BAALC: variants seen among roughly 807,000 people sequenced by gnomAD.
The protein encoded by BAALC is brain and acute leukemia cytoplasmic protein.
In BAALC, 9 loss-of-function variants were observed where a neutral mutation model predicts 15.5. The ratio of observed to expected loss-of-function variants is 0.58; its 90% CI spans 0.35 to 1.02. BAALC has a LOEUF of 1.02. Among genes scored for constraint, BAALC ranks in the 50% least tolerant of loss-of-function variants. The pLI is 0.02. For missense variants in BAALC, 201 were observed against 192.4 expected (o/e 1.04, Z -0.27); for synonymous variants, 80 against 74.6 (o/e 1.07, Z -0.37).
intron 1 of BAALC, among the ~76,000 whole-genome samples, chr8:103,146,305 C>A (rs1392070385): frequency 1.3e-5 from 2 of 152,158 alleles, no homozygotes; most frequent in Non-Finnish European, 2.9e-5. Context: ...GAGTGCAGCC[C>A]AGCTGGCCTG....
chr8:103,167,096 T>C (rs1811366738), intron 1 of BAALC, among the ~76,000 whole-genome samples: 1 of 152,238 alleles, frequency 6.6e-6, no homozygotes, highest in South Asian at 2.1e-4. Flanking sequence ...ACCTAAATTT[T>C]AATTTTCTTT....
chr8:103,175,451 A>T (rs1245211727), intron 1 of BAALC, among the ~76,000 whole-genome samples: 2 of 152,214 alleles, frequency 1.3e-5, no homozygotes, highest in Non-Finnish European at 2.9e-5. Context: ...GGTTCCTGAC[A>T]TGATTCCTCT....
intron 1 of BAALC, among the ~76,000 whole-genome samples, chr8:103,192,848 T>G (rs1372770685): frequency 6.6e-6 from 1 of 152,148 alleles, no homozygotes; most frequent in African/African-American, 2.4e-5. Context: ...GGCCTGTGCT[T>G]CTCTGTGGCC....
At chr8:103,224,089 A>G (rs59412795) in intron 2 of BAALC, among the ~76,000 whole-genome samples, 1 of 150,002 alleles carries the variant, frequency 6.7e-6, no homozygotes, top group Non-Finnish European at 1.5e-5. Flanking sequence ...GCGTGTGTGC[A>G]TATGTGCATG....
intron 2 of BAALC, 172 bp downstream of exon 2, chr8:103,213,257 C>T (rs1812491841): frequency 3.0e-6 from 2 of 667,898 alleles, no homozygotes; most frequent in Non-Finnish European, 4.8e-6. Context: ...CACCCCAAAA[C>T]CCTGCCTTGA....
intron 2 of BAALC, among the ~76,000 whole-genome samples, chr8:103,222,397 T>C (rs892060625): frequency 2.0e-5 from 3 of 152,224 alleles, no homozygotes; most frequent in African/African-American, 7.2e-5. Flanking sequence ...ATTTTCTTCC[T>C]TGTTATGCCA....
chr8:103,170,553 G>T (rs751746508), intron 1 of BAALC, among the ~76,000 whole-genome samples: 25 of 152,280 alleles, frequency 1.6e-4, no homozygotes, highest in Non-Finnish European at 2.5e-4. Flanking sequence ...TTGAAGTGAT[G>T]CATCTACAAA....
At chr8:103,170,395 T>C (rs2129939266) in intron 1 of BAALC, among the ~76,000 whole-genome samples, 1 of 152,160 alleles carries the variant, frequency 6.6e-6, no homozygotes, top group African/African-American at 2.4e-5. Context: ...TATTTGAAAA[T>C]AGGGTCTTTA....
At chr8:103,164,690 G>A (rs770072592) in intron 1 of BAALC, among the ~76,000 whole-genome samples, 61 of 152,184 alleles carry the variant, frequency 4.0e-4, no homozygotes, top group African/African-American at 1.2e-3. Context: ...AACTTCCTCC[G>A]ATGGAACATT....
intron 1 of BAALC, among the ~76,000 whole-genome samples, chr8:103,175,374 GTTTA>G (rs1365341154): frequency 2.0e-5 from 3 of 152,180 alleles, no homozygotes; most frequent in Non-Finnish European, 2.9e-5. Flanking sequence ...AATGATTTGT[GTTTA>G]TTTACTTATG....
intron 1 of BAALC, among the ~76,000 whole-genome samples, chr8:103,206,445 C>T (rs1308027076): frequency 6.6e-6 from 1 of 152,082 alleles, no homozygotes; most frequent in African/African-American, 2.4e-5. Flanking sequence ...CCCAAGACAA[C>T]CTGCAAGGAG....
chr8:103,224,072 G>A (rs941427771), intron 2 of BAALC, among the ~76,000 whole-genome samples: 1 of 151,840 alleles, frequency 6.6e-6, no homozygotes, highest in Non-Finnish European at 1.5e-5. Context: ...CCTTCACAAC[G>A]CTTTGTGCGT....
At chr8:103,214,645 A>G (rs1444816285) in intron 2 of BAALC, among the ~76,000 whole-genome samples, 1 of 152,234 alleles carries the variant, frequency 6.6e-6, no homozygotes, top group East Asian at 1.9e-4. Flanking sequence ...GCCTTTCAGA[A>G]ATGACTTAAT....
At chr8:103,185,881 G>A (rs566079130) in intron 1 of BAALC, among the ~76,000 whole-genome samples, 76 of 152,304 alleles carry the variant, frequency 5.0e-4, no homozygotes, top group Non-Finnish European at 7.2e-4. Flanking sequence ...GGGACCTTGG[G>A]TTACTTGTTC....
At chr8:103,181,033 GT>G (rs1211831779) in intron 1 of BAALC, among the ~76,000 whole-genome samples, 1 of 152,118 alleles carries the variant, frequency 6.6e-6, no homozygotes, top group Non-Finnish European at 1.5e-5. Context: ...TAGAGTTTAG[GT>G]TTCGTGATGA....
intron 1 of BAALC, among the ~76,000 whole-genome samples, chr8:103,196,740 T>C (rs1812106838): frequency 6.6e-6 from 1 of 152,128 alleles, no homozygotes. Flanking sequence ...CCTGGTATTA[T>C]TTCCCACCTC....
intron 2 of BAALC, among the ~76,000 whole-genome samples, chr8:103,225,593 C>T (rs1812789250): frequency 6.6e-6 from 1 of 152,150 alleles, no homozygotes; most frequent in African/African-American, 2.4e-5. Context: ...CAGCTGTAGT[C>T]TAGCCTCAGC....
At chr8:103,177,374 G>A (rs746797210) in intron 1 of BAALC, among the ~76,000 whole-genome samples, 5 of 151,890 alleles carry the variant, frequency 3.3e-5, no homozygotes, top group East Asian at 1.9e-4. Context: ...TTGTAGAGAC[G>A]GGGTCTTACT....
chr8:103,224,182 T>C (rs1199336653), intron 2 of BAALC, among the ~76,000 whole-genome samples: 1 of 152,062 alleles, frequency 6.6e-6, no homozygotes, highest in African/African-American at 2.4e-5. Context: ...GAAAATGAAG[T>C]AACTACTGTT....
Sources: allele counts gnomAD v4.1 joint callset (sites outside exome capture counted in the v4.1 genomes callset), GRCh38; gene constraint gnomAD v4.1.1; transcripts MANE v1.5; gene names NCBI Gene and HGNC (gene_info 2026-07-23, HGNC 2026-07-21).